The following MPP7 variants were observed in gnomAD, a reference collection of about 807,000 sequenced individuals.
The protein encoded by MPP7 is MAGUK p55 subfamily member 7.
Under a neutral mutation model 76.5 loss-of-function variants are expected in MPP7, and 60 were observed. That is an observed-to-expected ratio of 0.78 (90% confidence interval 0.64 to 0.97). The LOEUF (loss-of-function observed/expected upper bound fraction) is 0.97, where lower values mean the gene tolerates loss of function less well. Ranked by LOEUF, MPP7 falls within the 50% of genes least tolerant of loss-of-function variation. MPP7 has a pLI of 0.00. For missense variants in MPP7, 641 were observed against 694.0 expected (o/e 0.92, Z 0.86); for synonymous variants, 237 against 244.5 (o/e 0.97, Z 0.29).
chr10:28,192,088 A>C (rs1289892567), intron 3 of MPP7, among the ~76,000 whole-genome samples: 1 of 147,272 alleles, frequency 6.8e-6, no homozygotes, highest in Non-Finnish European at 1.5e-5. Context: ...TCTGCCTTTA[A>C]AAAAAAAAAA....
At chr10:28,220,026 C>A (rs1477935977) in intron 2 of MPP7, among the ~76,000 whole-genome samples, 1 of 152,104 alleles carries the variant, frequency 6.6e-6, no homozygotes, top group African/African-American at 2.4e-5. Flanking sequence ...AAGCATTGGG[C>A]CAGCTGAGTT....
chr10:28,159,611 C>A (rs1836189433), intron 3 of MPP7, among the ~76,000 whole-genome samples: 1 of 152,134 alleles, frequency 6.6e-6, no homozygotes, highest in South Asian at 2.1e-4. Context: ...ATCATGCCTC[C>A]CACAGACTTG....
chr10:28,279,137 G>T (rs1840591805), intron 1 of MPP7, among the ~76,000 whole-genome samples: 1 of 152,038 alleles, frequency 6.6e-6, no homozygotes, highest in African/African-American at 2.4e-5. Context: ...TACAGGGTGG[G>T]CCTGAGCTAC....
At chr10:28,207,169 A>G (rs11006917) in intron 2 of MPP7, among the ~76,000 whole-genome samples, 1 of 152,024 alleles carries the variant, frequency 6.6e-6, no homozygotes, top group Non-Finnish European at 1.5e-5. Context: ...ATCTCACCTT[A>G]TATTTGGGTA....
intron 1 of MPP7, among the ~76,000 whole-genome samples, chr10:28,300,950 A>G (rs1434369636): frequency 8.6e-6 from 1 of 116,828 alleles, no homozygotes; most frequent in African/African-American, 3.0e-5. Context: ...TCCACCTCAG[A>G]AAAAAAAAAA....
chr10:28,062,441 A>C (rs780144975), intron 13 of MPP7, among the ~76,000 whole-genome samples: 9 of 152,110 alleles, frequency 5.9e-5, no homozygotes, highest in African/African-American at 1.2e-4. Flanking sequence ...GAAGGCAGAA[A>C]AAGAAGAAAA....
chr10:28,117,387 T>C (rs767440968), intron 11 of MPP7, among the ~76,000 whole-genome samples: 5 of 152,136 alleles, frequency 3.3e-5, no homozygotes, highest in Non-Finnish European at 5.9e-5. Flanking sequence ...TAAATTTTAA[T>C]TGAATCAGAA....
intron 1 of MPP7, among the ~76,000 whole-genome samples, chr10:28,255,485 G>A (rs1455199527): frequency 6.6e-6 from 1 of 151,376 alleles, no homozygotes; most frequent in East Asian, 1.9e-4. Context: ...CGTGATCTTG[G>A]CTCACTGCAA....
chr10:28,282,394 G>A (rs895065386), intron 1 of MPP7, among the ~76,000 whole-genome samples: 11 of 152,002 alleles, frequency 7.2e-5, no homozygotes, highest in African/African-American at 1.7e-4. Flanking sequence ...GAGGAAGAGC[G>A]GTTAAAATCA....
chr10:28,168,680 C>T (rs1427246171), intron 3 of MPP7, among the ~76,000 whole-genome samples: 4 of 151,934 alleles, frequency 2.6e-5, no homozygotes, highest in South Asian at 2.1e-4. Flanking sequence ...CACCATGCTC[C>T]GTTAATTTTT....
intron 3 of MPP7, among the ~76,000 whole-genome samples, chr10:28,187,705 A>G (rs1215933449): frequency 6.6e-6 from 1 of 152,158 alleles, no homozygotes; most frequent in Admixed American, 6.5e-5. Flanking sequence ...CTTGAATCTG[A>G]TTCACTAATA....
intron 15 of MPP7, among the ~76,000 whole-genome samples, chr10:28,056,972 T>C (rs1468312566): frequency 6.6e-6 from 1 of 152,190 alleles, no homozygotes. Context: ...TTTAAGCCCC[T>C]TTCTGATTTC....
chr10:28,126,885 T>C (rs1835033941), intron 6 of MPP7, among the ~76,000 whole-genome samples: 1 of 152,102 alleles, frequency 6.6e-6, no homozygotes, highest in African/African-American at 2.4e-5. Context: ...GCTAGCCAAG[T>C]AAAGGTAACA....
chr10:28,124,902 G>C, intron 7 of MPP7, 108 bp downstream of exon 7: 1 of 852,666 alleles, frequency 1.2e-6, no homozygotes, highest in Non-Finnish European at 2.0e-6. Flanking sequence ...CTTATTACTT[G>C]TTCTGCTGTA....
chr10:28,238,087 A>G (rs1203028718), intron 2 of MPP7, among the ~76,000 whole-genome samples: 1 of 152,128 alleles, frequency 6.6e-6, no homozygotes. Flanking sequence ...CCTTAATGGT[A>G]TGTATCAATT....
chr10:28,223,213 T>C (rs1838578016), intron 2 of MPP7, among the ~76,000 whole-genome samples: 1 of 152,180 alleles, frequency 6.6e-6, no homozygotes. Context: ...CTCTTAAATT[T>C]AAGAGTCACT....
At chr10:28,058,652 A>G in intron 14 of MPP7, 49 bp from the exon 15 acceptor site, 1 of 1,008,062 alleles carries the variant, frequency 9.9e-7, no homozygotes, top group Non-Finnish European at 1.5e-6. Context: ...TAAAACAATT[A>G]TAGGTGGCAA....
intron 12 of MPP7, among the ~76,000 whole-genome samples, chr10:28,081,350 T>C (rs1479446711): frequency 6.6e-6 from 1 of 152,216 alleles, no homozygotes; most frequent in Admixed American, 6.5e-5. Context: ...TTCAAAAAGT[T>C]GGGTTTCACT....
At chr10:28,306,554 GGGAGGATTGCTTGAGGCCA>G (rs1227375046), upstream of MPP7, among the ~76,000 whole-genome samples, 1 of 150,790 alleles carries the variant, frequency 6.6e-6, no homozygotes, top group Non-Finnish European at 1.5e-5. Flanking sequence ...AGGCTGAGGT[GGGAGGATTGCTTGAGGCCA>G]GGAGTTCTAG....
Sources: allele counts gnomAD v4.1 joint callset (sites outside exome capture counted in the v4.1 genomes callset), GRCh38; gene constraint gnomAD v4.1.1; transcripts MANE v1.5; gene names NCBI Gene and HGNC (gene_info 2026-07-23, HGNC 2026-07-21).